The following DCC variants were observed in gnomAD, a reference collection of about 807,000 sequenced individuals.
DCC encodes the protein netrin receptor DCC.
DCC carries 58 observed loss-of-function variants against 172.5 expected under a neutral mutation model. The observed-to-expected ratio is 0.34, with a 90% CI of 0.27 to 0.42. The LOEUF (loss-of-function observed/expected upper bound fraction) is 0.42, where lower values mean the gene tolerates loss of function less well. DCC is among the 10% of genes least tolerant of loss of function. The pLI is 1.00. For missense variants in DCC, 1,740 were observed against 1,791.0 expected, an observed-to-expected ratio of 0.97 and a Z score of 0.51; for synonymous variants, 709 against 644.5, an observed-to-expected ratio of 1.10 and a Z score of -1.52.
chr18:52,850,343 C>T (rs866791187), intron 2 of DCC, among the ~76,000 whole-genome samples: 30 of 152,116 alleles, frequency 2.0e-4, no homozygotes, highest in African/African-American at 6.8e-4. Context: ...TTTAACTTTT[C>T]GGAAACATTT....
At chr18:52,654,575 T>G (rs1484037851) in intron 1 of DCC, among the ~76,000 whole-genome samples, 1 of 152,158 alleles carries the variant, frequency 6.6e-6, no homozygotes, top group Non-Finnish European at 1.5e-5. Context: ...TGTGTTCATA[T>G]CTGTGTGTCC....
intron 7 of DCC, among the ~76,000 whole-genome samples, chr18:53,133,622 G>C (rs1328717285): frequency 6.6e-6 from 1 of 152,116 alleles, no homozygotes; most frequent in East Asian, 1.9e-4. Context: ...ATTTCATAAA[G>C]ATTGCAAAAG....
chr18:52,884,246 T>C (rs560565549), intron 2 of DCC, among the ~76,000 whole-genome samples: 1 of 152,222 alleles, frequency 6.6e-6, no homozygotes, highest in African/African-American at 2.4e-5. Flanking sequence ...TTTATCTAGG[T>C]TTTGGAACTT....
intron 7 of DCC, among the ~76,000 whole-genome samples, chr18:53,110,074 A>G (rs906144274): frequency 3.3e-5 from 5 of 151,708 alleles, no homozygotes; most frequent in African/African-American, 7.2e-5. Context: ...TTTAATTTCT[A>G]TAATCATAGC....
rs531615647 is a variant in DCC, at chr18:52,585,448, G to T, written c.92-166606G>T. The stretch of plus-strand genomic sequence containing the variant: ...TCAAAGGAAGCTTCTGTTCATAGCA[G>T]TAAAAATAATGAACAATTATACAAG... On this transcript the variant is annotated intron_variant, in intron 1 of 28. Transcript: ENST00000442544. Among the ~76,000 whole-genome samples the T allele has an allele frequency of 5.3e-4, 81 of 152,332 alleles. 1 individual carries two copies. The South Asian group carries it at 0.016, about 31-fold the overall frequency.
intron 1 of DCC, among the ~76,000 whole-genome samples, chr18:52,361,102 A>G (rs555644237): frequency 7.5e-4 from 115 of 152,354 alleles, no homozygotes; most frequent in African/African-American, 2.5e-3. Context: ...ATGTTGAGAC[A>G]AAAACCTGGC....
chr18:52,499,377 A>G (rs1399648657), intron 1 of DCC, among the ~76,000 whole-genome samples: 1 of 152,124 alleles, frequency 6.6e-6, no homozygotes. Context: ...CAGCTTCTCT[A>G]CGGAGGGATG....
chr18:52,412,045 C>T (rs530042774), intron 1 of DCC, among the ~76,000 whole-genome samples: 7 of 152,250 alleles, frequency 4.6e-5, no homozygotes, highest in African/African-American at 1.7e-4. Context: ...CCTTAAAGAA[C>T]TTCCACCTTG....
chr18:53,403,073 T>TACAC (rs1909421310), intron 19 of DCC, among the ~76,000 whole-genome samples, 180 bp downstream of exon 19: 1 of 99,062 alleles, frequency 1.0e-5, no homozygotes, highest in African/African-American at 3.7e-5. Context: ...CTTCTAATGG[T>TACAC]GCACACACAC....
chr18:53,529,026 TCTCTCTCTCTCTCACACACACACACACA>T (rs1482596825), intron 28 of DCC, among the ~76,000 whole-genome samples: 2 of 65,048 alleles, frequency 3.1e-5, no homozygotes, highest in African/African-American at 1.6e-4. Context: ...TCTCTCTCTC[TCTCTCTCTCTCTCACACACACACACACA>T]CACACACACA....
At chr18:52,694,585 A>T (rs1310437932) in intron 1 of DCC, among the ~76,000 whole-genome samples, 1 of 150,906 alleles carries the variant, frequency 6.6e-6, no homozygotes, top group African/African-American at 2.5e-5. Flanking sequence ...GCTTCTTTTT[A>T]CATATACTTC....
intron 5 of DCC, among the ~76,000 whole-genome samples, chr18:52,952,024 G>C (rs1225887533): frequency 1.3e-5 from 2 of 152,104 alleles, no homozygotes; most frequent in Non-Finnish European, 2.9e-5. Flanking sequence ...TTATTGTGAG[G>C]AAGTTTATAT....
intron 1 of DCC, among the ~76,000 whole-genome samples, chr18:52,537,376 T>C (rs1727114137): frequency 6.6e-6 from 1 of 152,208 alleles, no homozygotes; most frequent in African/African-American, 2.4e-5. Context: ...GGTTCTAAAA[T>C]TAGGCTGTTG....
intron 1 of DCC, among the ~76,000 whole-genome samples, chr18:52,556,785 A>G (rs972057477): frequency 6.6e-6 from 1 of 151,952 alleles, no homozygotes; most frequent in African/African-American, 2.4e-5. Flanking sequence ...CCCAGTGTCA[A>G]TTGGTGCCGC....
chr18:53,036,976 C>T (rs1039855451), intron 5 of DCC, among the ~76,000 whole-genome samples: 1 of 151,948 alleles, frequency 6.6e-6, no homozygotes, highest in Non-Finnish European at 1.5e-5. Context: ...ATTTTTCAAG[C>T]AGGTAGTAGA....
At chr18:53,288,315 A>T (rs2056959840) in intron 12 of DCC, among the ~76,000 whole-genome samples, 1 of 152,148 alleles carries the variant, frequency 6.6e-6, no homozygotes, top group Admixed American at 6.5e-5. Flanking sequence ...ACTTTTTCCT[A>T]ATAACTATTG....
At chr18:52,911,050 T>G (rs1256140037) in intron 3 of DCC, among the ~76,000 whole-genome samples, 1 of 152,120 alleles carries the variant, frequency 6.6e-6, no homozygotes, top group East Asian at 1.9e-4. Flanking sequence ...AACTTTTCAG[T>G]TTTGCTAAAT....
chr18:52,903,753 G>GT (rs1326767933), intron 2 of DCC, among the ~76,000 whole-genome samples: 3 of 152,152 alleles, frequency 2.0e-5, no homozygotes, highest in Non-Finnish European at 2.9e-5. Flanking sequence ...GAAACTCATT[G>GT]CCCTACATAA....
intron 5 of DCC, among the ~76,000 whole-genome samples, chr18:52,988,381 G>C (rs1055362234): frequency 6.6e-6 from 1 of 152,042 alleles, no homozygotes. Flanking sequence ...TGATTGACAG[G>C]TTTTAAAATT....
Sources: gnomAD v4.1 joint callset for allele counts (sites outside exome capture counted in the v4.1 genomes callset) on GRCh38, gnomAD v4.1.1 for gene constraint, MANE v1.5 for transcripts, NCBI Gene and HGNC (gene_info 2026-07-23, HGNC 2026-07-21) for gene names.